Variants in VPS13D observed in about 807,000 individuals in gnomAD.
VPS13D encodes the protein vacuolar protein sorting 13 homolog D.
A neutral mutation model predicts 461.9 loss-of-function variants in VPS13D; 187 were observed. The observed-to-expected ratio is 0.40, with a 90% CI of 0.36 to 0.46. The LOEUF (loss-of-function observed/expected upper bound fraction) is 0.46. Among genes scored for constraint, VPS13D ranks in the 20% least tolerant of loss-of-function variants. The probability of loss-of-function intolerance (pLI) is 0.60; values close to 1 mark genes in which losing one functional copy is unlikely to be tolerated. For missense variants in VPS13D, 4,711 were observed against 5,364.9 expected, an observed-to-expected ratio of 0.88 and a Z score of 3.81; for synonymous variants, 1,951 against 1,986.3, an observed-to-expected ratio of 0.98 and a Z score of 0.47.
rs751284380 is a variant in VPS13D, at chr1:12,369,598, G to A, written c.10704G>A (p.Gly3568=). The change falls in exon 54 of 70, where the codon GGG becomes GGA. Residue 3568 remains glycine (G), a synonymous_variant. Coordinates refer to ENST00000620676, the MANE Select transcript of VPS13D (RefSeq NM_015378.4). ...CTTTTATCACTCTGACTGTTAAAGG[G>A]GCAGGGTCCTCTGAGATCAACTGCA... ...LPPFITLTVK[G]AGSSEINCNM... 1.2e-5 allele frequency: 20 copies of A among 1,614,008 alleles called. No homozygotes were observed. The Admixed American group carries it at 1.3e-4, about 11-fold the overall frequency.
chr1:12,358,656 G>T (rs1643909241), intron 50 of VPS13D, 55 bp downstream of exon 50: 5 of 1,592,538 alleles, frequency 3.1e-6, no homozygotes, highest in East Asian at 4.5e-5. Flanking sequence ...ATGACCTCAG[G>T]CTTGGAGGAA....
At chr1:12,300,623 C>T (rs1642399498) in intron 25 of VPS13D, among the ~76,000 whole-genome samples, 6 of 152,124 alleles carry the variant, frequency 3.9e-5, no homozygotes, top group Admixed American at 3.3e-4. Context: ...TTATCCATTT[C>T]TCATAACAGT....
At position 12,383,115 on chromosome 1, in the gene VPS13D, C is replaced by T. The variant is rs149521489; in HGVS notation, c.11330C>T (p.Ser3777Phe). 4 of 1,613,950 alleles carry T rather than the reference C, an allele frequency of 2.5e-6. No homozygotes were observed. Among genetic ancestry groups the T allele is most frequent in the Non-Finnish European group, 3.4e-6 (4 of 1,180,000 alleles). The part of the protein sequence containing the change: ...QKMRPGSGML[S>F]IRVIPDGPTR... ...ATGAGACCTGGTTCTGGAATGTTAT[C>T]CATCAGAGTCATCCCAGATGGACCA... Residue 3777 changes from serine to phenylalanine, a missense_variant, in exon 58 of 70, where the codon TCC becomes TTC. Coordinates refer to ENST00000620676, the MANE Select transcript of VPS13D (RefSeq NM_015378.4).
intron 51 of VPS13D, 100 bp downstream of exon 51, chr1:12,362,950 G>C: frequency 4.4e-6 from 7 of 1,585,328 alleles, no homozygotes; most frequent in African/African-American, 1.3e-5. Flanking sequence ...GCAAGTAACT[G>C]CTCTGTGCCT....
chr1:12,283,464 A>C lies in VPS13D; in HGVS notation c.5362A>C (p.Asn1788His), dbSNP rs371282516. 4.3e-6 allele frequency: 7 copies of C among 1,614,116 alleles called. No individual in the cohort carries two copies. In the African/African-American group the frequency reaches 9.3e-5, roughly 22 times the overall value. The change falls in exon 21 of 70, where the codon AAC (asparagine) becomes CAC (histidine). Residue 1788 changes from asparagine to histidine, a missense_variant. Physicochemically the swap from Asn to His is moderately conservative, Grantham distance 68. This residue lies in a region of VPS13D where 4,411 missense variants were observed against 4,937.8 expected (regional missense o/e 0.89). Coordinates refer to ENST00000620676, the MANE Select transcript of VPS13D (RefSeq NM_015378.4). ...ATTTGATGATTCCTTAGTCCACATC[A>C]ACATATTCTTGGTAGATAAGAAACA... is the stretch of plus-strand genomic sequence containing the variant. ...SKFDDSLVHI[N>H]IFLVDKKHPE...
intron 53 of VPS13D, 122 bp from the exon 54 acceptor site, chr1:12,369,345 T>C: frequency 1.2e-6 from 1 of 852,930 alleles, no homozygotes; most frequent in South Asian, 1.6e-5. Flanking sequence ...CACTGGGGCT[T>C]ATTTCCTGTG....
rs536839070 is a variant in VPS13D at position 12,275,794 on chromosome 1, T to C, written c.2237-31T>C. The C allele has an allele frequency of 3.9e-6, 6 of 1,531,288 alleles. No individual in the cohort carries two copies. In the South Asian group the frequency reaches 7.7e-5, roughly 20 times the overall value. 94.9% of individuals were successfully genotyped at this position (1,531,288 alleles called of 1,614,324 possible). On this transcript the variant is annotated intron_variant, in intron 18 of 69. Transcript: ENST00000620676. ...GGAAAGAGGAGGGAAATAGCAGACA[T>C]ATATTTGAATCTTCTTTTTTTTATC...
intron 67 of VPS13D, among the ~76,000 whole-genome samples, chr1:12,472,990 C>G (rs1645582089): frequency 6.6e-6 from 1 of 152,152 alleles, no homozygotes; most frequent in African/African-American, 2.4e-5. Context: ...ATCTCTCATT[C>G]TGTGTGTTGT....
At chr1:12,290,151 T>A (rs1642084463) in intron 22 of VPS13D, among the ~76,000 whole-genome samples, 1 of 152,192 alleles carries the variant, frequency 6.6e-6, no homozygotes, top group Non-Finnish European at 1.5e-5. Flanking sequence ...TCACGTCTTC[T>A]TTCTTCTTTC....
chr1:12,323,744 A>C lies in VPS13D; in HGVS notation c.7954A>C (p.Met2652Leu). The C allele has an allele frequency of 6.2e-7, 1 of 1,614,104 alleles. No homozygotes were observed. The highest frequency in any genetic ancestry group is 1.7e-5 in the Admixed American group (1 of 60,020). The change falls in exon 35 of 70, where the codon ATG becomes CTG. Residue 2652 changes from methionine to leucine, a missense_variant. Coordinates refer to ENST00000620676, the MANE Select transcript of VPS13D (RefSeq NM_015378.4). Reference sequence around the variant, plus strand: ...TAGGCTGCAGGAGCTGGGATTCAGCATGGATGATTGTCGCAAAGCTCTTTT... The same window carrying C: ...TAGGCTGCAGGAGCTGGGATTCAGCCTGGATGATTGTCGCAAAGCTCTTTT... ...LARLQELGFSMDDCRKALLAC... is the reference protein window; with the variant it reads ...LARLQELGFSLDDCRKALLAC...
intron 67 of VPS13D, among the ~76,000 whole-genome samples, chr1:12,475,607 A>G (rs144562433): frequency 0.019 from 2,890 of 152,350 alleles, 108 homozygotes; most frequent in Admixed American, 0.099. Flanking sequence ...AGCACCATTT[A>G]AGTGAGTTAC....
intron 60 of VPS13D, among the ~76,000 whole-genome samples, chr1:12,390,037 A>G (rs756724550): frequency 4.3e-4 from 66 of 152,244 alleles, no homozygotes; most frequent in Non-Finnish European, 8.8e-4. Context: ...CAAAGTGTCC[A>G]GGTGGTAATC....
intron 67 of VPS13D, among the ~76,000 whole-genome samples, chr1:12,467,208 G>C (rs949408987): frequency 3.3e-5 from 5 of 152,114 alleles, no homozygotes; most frequent in African/African-American, 1.2e-4. Flanking sequence ...GTCTTGCTCT[G>C]TCGCCCAGGC....
rs975232347 is a variant in VPS13D, at chr1:12,304,580, C to T, written c.6291C>T (p.Pro2097=). ...GGAAAACGACAAGCACGGAGGAGCC[C>T]AGGGGAACCCATTCCCAGGGGCAGT... ...SLRKTTSTEE[P]RGTHSQGQFT... The change falls in exon 26 of 70, where the codon CCC becomes CCT. Residue 2097 remains proline (P), a synonymous_variant. Transcript: ENST00000620676. 5.0e-6 allele frequency: 8 copies of T among 1,613,960 alleles called. No homozygotes were observed. The highest frequency in any genetic ancestry group is 6.8e-6 in the Non-Finnish European group (8 of 1,180,028).
Position 12,400,332 on chromosome 1 carries a change from T to G in VPS13D, c.11784+2T>G. On this transcript the variant is annotated splice_donor_variant, in intron 61 of 69. Transcript: ENST00000620676. LOFTEE classifies it high-confidence loss of function. ...AGTGCACTGACCAACATCTACAAGG[T>G]GGGCTGGTGGAGGAGGCTGGTGGGT... 6 of 1,613,970 alleles carry G rather than the reference T, an allele frequency of 3.7e-6. No homozygotes were observed. The highest frequency in any genetic ancestry group is 5.1e-6 in the Non-Finnish European group (6 of 1,179,956).
At chr1:12,508,642 G>A (rs1475025652) in intron 69 of VPS13D, among the ~76,000 whole-genome samples, 1 of 151,776 alleles carries the variant, frequency 6.6e-6, no homozygotes, top group Non-Finnish European at 1.5e-5. Flanking sequence ...CCCGGGAGGC[G>A]GAGGTTGCAG....
chr1:12,429,107 C>CTT (rs74318727), intron 65 of VPS13D, among the ~76,000 whole-genome samples: 4 of 141,544 alleles, frequency 2.8e-5, no homozygotes, highest in Admixed American at 7.0e-5. Flanking sequence ...TATCTGACAA[C>CTT]TTTTTTTTTT....
intron 3 of VPS13D, among the ~76,000 whole-genome samples, chr1:12,243,032 A>C (rs1201850252): frequency 6.7e-6 from 1 of 150,130 alleles, no homozygotes; most frequent in Admixed American, 6.7e-5. Context: ...GGCTCACTGC[A>C]ACCTCTGCCT....
chr1:12,438,978 C>T (rs553950296), intron 65 of VPS13D, among the ~76,000 whole-genome samples: 49 of 152,240 alleles, frequency 3.2e-4, no homozygotes, highest in African/African-American at 1.1e-3. Context: ...ATCCCTCCCG[C>T]GCCCACCTTC....
Sources: gnomAD v4.1 joint callset for allele counts (sites outside exome capture counted in the v4.1 genomes callset) on GRCh38, gnomAD v4.1.1 for gene constraint, gnomAD v4.1.1 regional missense constraint, MANE v1.5 for transcripts, NCBI Gene and HGNC (gene_info 2026-07-23, HGNC 2026-07-21) for gene names.